Variants in GALNT2 observed in about 807,000 individuals in gnomAD.
GALNT2 encodes the protein polypeptide N-acetylgalactosaminyltransferase 2, also known as UDP-GalNAc:polypeptide N-acetylgalactosaminyltransferase 2.
Under a neutral mutation model 81.4 loss-of-function variants are expected in GALNT2, and 31 were observed. That is an observed-to-expected ratio of 0.38 (90% confidence interval 0.29 to 0.51). GALNT2 has a LOEUF of 0.51. GALNT2 is among the 20% of genes least tolerant of loss of function. The probability of loss-of-function intolerance (pLI) is 0.87; values close to 1 mark genes in which losing one functional copy is unlikely to be tolerated. For synonymous variants in GALNT2, 303 were observed against 287.4 expected, an observed-to-expected ratio of 1.05 and a Z score of -0.55; for missense variants, 629 against 765.7, an observed-to-expected ratio of 0.82 and a Z score of 2.11.
rs1665747647 is a variant in GALNT2, at chr1:230,257,440, C to CT, written c.1136+2097dup. On this transcript the variant is annotated intron_variant, in intron 11 of 15. Coordinates refer to ENST00000366672, the MANE Select transcript of GALNT2 (RefSeq NM_004481.5). This position sits in a 1 kb window ranked among gnomAD's most constrained non-coding sequence, Gnocchi z 4.6. ...AAGATTATAATACCGTGTGTTTACT[C>CT]TACCTTTTCTTTGTTTAGATACACA... 6.6e-6 allele frequency among the ~76,000 whole-genome samples: 1 copy of CT among 152,190 alleles called. No homozygotes were observed. The highest frequency in any genetic ancestry group is 1.5e-5 in the Non-Finnish European group (1 of 68,042).
At chr1:230,057,876 A>C, upstream of GALNT2, 1 of 352,868 alleles carries the variant, frequency 2.8e-6, no homozygotes, top group Non-Finnish European at 5.8e-6. Flanking sequence ...CACAGGCAGG[A>C]GGGGTAGGAA....
rs2102738136 is a variant in GALNT2 at position 230,067,412 on chromosome 1, T to C, written c.126+6T>C. 1.7e-6 allele frequency: 2 copies of C among 1,167,346 alleles called. No homozygotes were observed. Among genetic ancestry groups the C allele is most frequent in the East Asian group, 7.3e-5 (2 of 27,284 alleles). The allele number at this position is 1,167,346 out of a possible 1,614,324, so 72.3% of individuals were successfully genotyped here. ...GCGGCGGCGCCGGCAGGAAGGTGAGTGGAGCGCCCTGCCGCGGCCGGGCCC... is the reference window on the plus strand; with the variant it reads ...GCGGCGGCGCCGGCAGGAAGGTGAGCGGAGCGCCCTGCCGCGGCCGGGCCC... On this transcript the variant is annotated splice_donor_region_variant and intron_variant, in intron 1 of 15. Coordinates refer to ENST00000366672, the MANE Select transcript of GALNT2 (RefSeq NM_004481.5).
chr1:230,083,511 C>T (rs747717852), intron 1 of GALNT2, among the ~76,000 whole-genome samples: 7 of 151,880 alleles, frequency 4.6e-5, no homozygotes, highest in Non-Finnish European at 1.0e-4. Context: ...AGCTGGGGGG[C>T]CCAATGATGG....
At chr1:230,220,109 A>G (rs1290466117) in intron 3 of GALNT2, among the ~76,000 whole-genome samples, 1 of 152,200 alleles carries the variant, frequency 6.6e-6, no homozygotes, top group Non-Finnish European at 1.5e-5. Flanking sequence ...TAATCTTGAG[A>G]CAGTACCTTG....
At chr1:230,198,426 G>T (rs572049221) in intron 2 of GALNT2, among the ~76,000 whole-genome samples, 2,204 of 134,874 alleles carry the variant, frequency 0.016, 146 homozygotes, top group Middle Eastern at 0.038. Flanking sequence ...ACGAGGAGTG[G>T]CAGGGGCAGG....
intron 2 of GALNT2, among the ~76,000 whole-genome samples, chr1:230,191,163 C>T (rs552364278): frequency 1.4e-4 from 22 of 152,184 alleles, no homozygotes; most frequent in Non-Finnish European, 2.5e-4. Flanking sequence ...CTTTATTAGT[C>T]GAAATACAGT....
upstream of GALNT2, among the ~76,000 whole-genome samples, chr1:230,062,811 T>C (rs1402478910): frequency 6.6e-6 from 1 of 152,218 alleles, no homozygotes; most frequent in East Asian, 1.9e-4. Context: ...ATAACACTGC[T>C]ATGAATGTGG....
intron 10 of GALNT2, among the ~76,000 whole-genome samples, chr1:230,254,200 T>TC (rs1258175877): frequency 1.3e-5 from 2 of 152,136 alleles, no homozygotes. Flanking sequence ...ACTCACCTAG[T>TC]CAGTGGTGAT....
At chr1:230,127,441 T>C (rs1661221613) in intron 1 of GALNT2, among the ~76,000 whole-genome samples, 6 of 152,084 alleles carry the variant, frequency 3.9e-5, no homozygotes, top group Admixed American at 3.9e-4. Flanking sequence ...AGTGGCGCAA[T>C]CTTGCCTCAC....
chr1:230,223,161 A>C (rs1219452248), intron 3 of GALNT2, among the ~76,000 whole-genome samples: 1 of 151,354 alleles, frequency 6.6e-6, no homozygotes, highest in Non-Finnish European at 1.5e-5. Flanking sequence ...TATTGACATA[A>C]AATTACCCCA....
At chr1:230,101,634 G>A (rs1158228495) in intron 1 of GALNT2, among the ~76,000 whole-genome samples, 4 of 152,196 alleles carry the variant, frequency 2.6e-5, no homozygotes, top group Non-Finnish European at 5.9e-5. Flanking sequence ...CAAACTCTGG[G>A]CCAAAAGTAA....
intron 1 of GALNT2, among the ~76,000 whole-genome samples, chr1:230,158,832 G>A (rs925644789): frequency 6.6e-6 from 1 of 152,204 alleles, no homozygotes; most frequent in African/African-American, 2.4e-5. Flanking sequence ...TGAGTTGGAT[G>A]AATGCCATCT....
intron 2 of GALNT2, among the ~76,000 whole-genome samples, chr1:230,180,060 AG>A (rs1398870866): frequency 9.2e-5 from 14 of 152,186 alleles, no homozygotes; most frequent in African/African-American, 3.4e-4. Flanking sequence ...CTGGGATTAC[AG>A]GCATCTGCCA....
At chr1:230,209,522 C>T (rs1664167826) in intron 3 of GALNT2, among the ~76,000 whole-genome samples, 1 of 152,206 alleles carries the variant, frequency 6.6e-6, no homozygotes, top group South Asian at 2.1e-4. Context: ...GCTGAGCTTC[C>T]AGCCTCCAGA....
chr1:230,133,469 CAG>C (rs1267229428), intron 1 of GALNT2, among the ~76,000 whole-genome samples: 2 of 144,288 alleles, frequency 1.4e-5, no homozygotes, highest in East Asian at 4.1e-4. Context: ...TTTTTTGAGA[CAG>C]AGTCTCACTC....
chr1:230,218,497 A>T (rs1313552630), intron 3 of GALNT2, among the ~76,000 whole-genome samples: 1 of 152,208 alleles, frequency 6.6e-6, no homozygotes, highest in African/African-American at 2.4e-5. Flanking sequence ...ATGGGTTAAC[A>T]CCTGTAAGTG....
intron 1 of GALNT2, among the ~76,000 whole-genome samples, chr1:230,060,656 A>G (rs1398358964): frequency 6.6e-6 from 1 of 152,166 alleles, no homozygotes; most frequent in Non-Finnish European, 1.5e-5. Flanking sequence ...CCACTTCAGC[A>G]TCCATTCAGG....
At chr1:230,135,729 C>T (rs1207603261) in intron 1 of GALNT2, among the ~76,000 whole-genome samples, 1 of 152,154 alleles carries the variant, frequency 6.6e-6, no homozygotes, top group Non-Finnish European at 1.5e-5. Flanking sequence ...GACACAGTCT[C>T]CCTGTGTCAC....
chr1:230,276,343 C>T (rs1666308283), intron 15 of GALNT2, among the ~76,000 whole-genome samples: 1 of 152,092 alleles, frequency 6.6e-6, no homozygotes, highest in African/African-American at 2.4e-5. Flanking sequence ...AAAAGGTCCT[C>T]CCTGTATGCC....
Sources: allele counts gnomAD v4.1 joint callset (sites outside exome capture counted in the v4.1 genomes callset), GRCh38; gene constraint gnomAD v4.1.1; non-coding constraint Gnocchi (gnomAD v3.1); transcripts MANE v1.5; gene names NCBI Gene and HGNC (gene_info 2026-07-23, HGNC 2026-07-21).